Variants in CSF2RA observed in about 807,000 individuals in gnomAD.
CSF2RA encodes colony stimulating factor 2 receptor subunit alpha.
Under a neutral mutation model 51.6 loss-of-function variants are expected in CSF2RA, and 42 were observed. The ratio of observed to expected loss-of-function variants is 0.81; its 90% CI spans 0.64 to 1.05. The LOEUF (loss-of-function observed/expected upper bound fraction) is 1.05, where lower values mean the gene tolerates loss of function less well. Among genes scored for constraint, CSF2RA ranks in the 50% least tolerant of loss-of-function variants. The pLI is 0.00. For missense variants in CSF2RA, 530 were observed against 501.1 expected (o/e 1.06, Z -0.55); for synonymous variants, 222 against 193.0 (o/e 1.15, Z -1.24).
At chrX:1,284,199 T>C (rs1327153310) in intron 3 of CSF2RA, among the ~76,000 whole-genome samples, 34 of 86,782 alleles carry the variant, frequency 3.9e-4, no homozygotes, top group Non-Finnish European at 5.8e-4. Flanking sequence ...GTCTCTCTTT[T>C]TTTTTTTTTT....
chrX:1,299,753 A>G (rs1167560753), intron 9 of CSF2RA, among the ~76,000 whole-genome samples: 1 of 152,098 alleles, frequency 6.6e-6, no homozygotes, highest in Non-Finnish European at 1.5e-5. Context: ...CCCCATCTCT[A>G]CTAAAAATAC....
At chrX:1,322,152 C>G in the CSF2RA span, among the ~76,000 whole-genome samples, 1 of 151,302 alleles carries the variant, frequency 6.6e-6, no homozygotes, top group South Asian at 2.1e-4. Flanking sequence ...GTTACCCAGG[C>G]TGGAGTGCAA....
At chrX:1,322,991 T>A in the CSF2RA span, among the ~76,000 whole-genome samples, 1 of 151,108 alleles carries the variant, frequency 6.6e-6, no homozygotes, top group African/African-American at 2.4e-5. Flanking sequence ...TAGCCGGGCG[T>A]GGTGGCGGGC....
Position 1,304,961 on chromosome X carries a change from G to A in CSF2RA, c.1044-485G>A, listed in dbSNP as rs184284444. ...ATTACAGGTGTGAGCCACCATGCCTGGCCTAGTTCCTTAAGATGTTTGTCA... is the reference window on the plus strand; with the variant it reads ...ATTACAGGTGTGAGCCACCATGCCTAGCCTAGTTCCTTAAGATGTTTGTCA... On this transcript the variant is annotated intron_variant, in intron 11 of 12. Transcript: ENST00000381529. 2.9e-3 allele frequency among the ~76,000 whole-genome samples: 436 copies of A among 149,964 alleles called. 1 individual carries two copies. Among genetic ancestry groups the A allele is most frequent in the Middle Eastern group, 7.1e-3 (2 of 282 alleles).
chrX:1,303,819 C>A, intron 10 of CSF2RA, 104 bp from the exon 11 acceptor site: 2 of 1,007,456 alleles, frequency 2.0e-6, no homozygotes, highest in Non-Finnish European at 3.2e-6. Context: ...CTCAGCTTGA[C>A]TGTTCCCTTT....
chrX:1,320,845 G>A, the CSF2RA span, among the ~76,000 whole-genome samples: 4 of 146,944 alleles, frequency 2.7e-5, no homozygotes, highest in Non-Finnish European at 6.0e-5. Flanking sequence ...GTTTTTTTTT[G>A]TTTGTTTGTT....
At chrX:1,319,318 G>C in the CSF2RA span, among the ~76,000 whole-genome samples, 19 of 146,686 alleles carry the variant, frequency 1.3e-4, no homozygotes, top group Admixed American at 1.1e-3. Context: ...TTTTGAGACA[G>C]CATCTTGCTC....
chrX:1,315,336 C>T (rs1194138793), downstream of CSF2RA, among the ~76,000 whole-genome samples: 2 of 151,932 alleles, frequency 1.3e-5, no homozygotes, highest in Admixed American at 6.6e-5. Flanking sequence ...GTATAGGTAA[C>T]AGATAATAGC....
chrX:1,299,742 A>G (rs1424954104), intron 9 of CSF2RA, among the ~76,000 whole-genome samples: 7 of 151,850 alleles, frequency 4.6e-5, no homozygotes, highest in Non-Finnish European at 7.4e-5. Flanking sequence ...ACATGGAGAA[A>G]CCCCATCTCT....
At position 1,309,661 on chromosome X, in the gene CSF2RA, C is replaced by A. The variant is rs780615613; in HGVS notation, c.*182C>A. 5.0e-6 allele frequency: 7 copies of A among 1,386,968 alleles called. No individual in the cohort carries two copies. The South Asian group carries it at 7.0e-5, about 14-fold the overall frequency. The allele number at this position is 1,386,968 out of a possible 1,614,324, so 85.9% of individuals were successfully genotyped here. On this transcript the variant is annotated 3_prime_UTR_variant, in exon 13 of 13. Coordinates refer to ENST00000381529, the MANE Select transcript of CSF2RA (RefSeq NM_172245.4). Reference sequence around the variant, plus strand: ...CAGCACTTTGGGAGGCCAAGGCAGGCGGATCACCTGAGGTCAGGAGTTCAA... The same window carrying A: ...CAGCACTTTGGGAGGCCAAGGCAGGAGGATCACCTGAGGTCAGGAGTTCAA...
intron 10 of CSF2RA, 92 bp from the exon 11 acceptor site, chrX:1,303,831 G>A: frequency 9.1e-7 from 1 of 1,104,160 alleles, no homozygotes; most frequent in South Asian, 1.2e-5. Context: ...GTTCCCTTTG[G>A]CTAAATGCAT....
At chrX:1,323,886 C>T in the CSF2RA span, among the ~76,000 whole-genome samples, 22 of 151,988 alleles carry the variant, frequency 1.4e-4, no homozygotes, top group Admixed American at 4.6e-4. Flanking sequence ...TGGTGGTGGG[C>T]GCCTGTAGTC....
intron 1 of CSF2RA, among the ~76,000 whole-genome samples, chrX:1,273,747 A>ATTTTTTTTTTTTTTTATTTT (rs2088769666): frequency 8.2e-6 from 1 of 122,474 alleles, no homozygotes; most frequent in Non-Finnish European, 1.6e-5. Context: ...CGCCCAGCTA[A>ATTTTTTTTTTTTTTTATTTT]TTTTTTTTTT....
downstream of CSF2RA, among the ~76,000 whole-genome samples, chrX:1,313,644 G>A (rs1158586849): frequency 3.0e-4 from 41 of 136,876 alleles, no homozygotes; most frequent in Middle Eastern, 5.2e-3. Flanking sequence ...CCCAGGAGGC[G>A]GAGGTTGCAG....
In CSF2RA at chrX:1,289,882, GTGTTT is replaced by G. The variant is rs1377516815; in HGVS notation, c.474-441_474-437del. On this transcript the variant is annotated intron_variant, in intron 6 of 12. Coordinates refer to ENST00000381529, the MANE Select transcript of CSF2RA (RefSeq NM_172245.4). The stretch of plus-strand genomic sequence containing the variant: ...TTTTTGTTTTGTGTTTTGTGTTTTT[GTGTTT>G]TGTTTTGTTTTGTGTTTTTGTGTTT... Among the ~76,000 whole-genome samples, 83 of 68,952 alleles carry G rather than the reference GTGTTT, an allele frequency of 1.2e-3. 1 individual carries two copies. The highest frequency in any genetic ancestry group is 3.8e-3 in the African/African-American group (75 of 19,544). 45.2% of individuals were successfully genotyped at this position (68,952 alleles called of 152,430 possible). A position where few individuals can be genotyped will look rare whatever the true frequency, so the allele number is the denominator to read the frequency against.
the CSF2RA span, among the ~76,000 whole-genome samples, chrX:1,322,860 T>G: frequency 6.6e-6 from 1 of 152,062 alleles, no homozygotes; most frequent in Admixed American, 6.6e-5. Context: ...CCGGGCGCGG[T>G]GGCTCACGCC....
At chrX:1,278,246 TTG>T (rs2089457254) in intron 2 of CSF2RA, among the ~76,000 whole-genome samples, 1 of 148,616 alleles carries the variant, frequency 6.7e-6, no homozygotes, top group African/African-American at 2.5e-5. Context: ...GGCAGTAGAA[TTG>T]CTTCAACTTG....
At chrX:1,276,083 C>T (rs1222028703) in intron 2 of CSF2RA, among the ~76,000 whole-genome samples, 3 of 151,512 alleles carry the variant, frequency 2.0e-5, no homozygotes, top group African/African-American at 7.3e-5. Context: ...TCACTGCAAC[C>T]TCTGCCTCCG....
intron 11 of CSF2RA, 48 bp downstream of exon 11, chrX:1,304,067 G>C (rs373348926): frequency 6.8e-7 from 1 of 1,461,876 alleles, no homozygotes. Flanking sequence ...AGGCCAGGCC[G>C]GGAGGAAAGC....
Sources: allele counts gnomAD v4.1 joint callset (sites outside exome capture counted in the v4.1 genomes callset), GRCh38; gene constraint gnomAD v4.1.1; transcripts MANE v1.5; gene names NCBI Gene and HGNC (gene_info 2026-07-23, HGNC 2026-07-21).